Variants in PLXDC2 observed in about 807,000 individuals in gnomAD.
PLXDC2 encodes the protein plexin domain containing 2, also known as plexin domain-containing protein 2.
Under a neutral mutation model 68.9 loss-of-function variants are expected in PLXDC2, and 40 were observed. The observed-to-expected ratio is 0.58, with a 90% CI of 0.45 to 0.76. The LOEUF (loss-of-function observed/expected upper bound fraction) is 0.76. Ranked by LOEUF, PLXDC2 falls within the 30% of genes least tolerant of loss-of-function variation. The pLI is 0.00. For missense variants in PLXDC2, 644 were observed against 661.9 expected (o/e 0.97, Z 0.30); for synonymous variants, 243 against 234.2 (o/e 1.04, Z -0.34).
chr10:19,884,742 A>C (rs143854940), intron 1 of PLXDC2, among the ~76,000 whole-genome samples: 6,957 of 152,166 alleles, frequency 0.046, 206 homozygotes, highest in Middle Eastern at 0.12. Context: ...TTTCTTAATC[A>C]AGTCTATCGT....
intron 12 of PLXDC2, among the ~76,000 whole-genome samples, chr10:20,234,442 G>A (rs554370339): frequency 2.0e-5 from 3 of 152,252 alleles, no homozygotes; most frequent in Admixed American, 2.0e-4. Context: ...CCTAAGCAGC[G>A]TGATTCTGTC....
intron 2 of PLXDC2, among the ~76,000 whole-genome samples, chr10:20,009,913 G>A (rs1169023633): frequency 6.6e-6 from 1 of 151,928 alleles, no homozygotes; most frequent in Non-Finnish European, 1.5e-5. Flanking sequence ...AACTGAATCA[G>A]AAATCCCAAA....
chr10:19,852,962 G>A (rs1314873408), intron 1 of PLXDC2, among the ~76,000 whole-genome samples: 8 of 152,188 alleles, frequency 5.3e-5, no homozygotes, highest in Admixed American at 3.3e-4. Flanking sequence ...CAGGCTAAGT[G>A]AAAATACTTT....
intron 6 of PLXDC2, among the ~76,000 whole-genome samples, chr10:20,154,389 C>A (rs1042807223): frequency 6.6e-6 from 1 of 151,970 alleles, no homozygotes; most frequent in African/African-American, 2.4e-5. Flanking sequence ...CATGGTGTAA[C>A]CCTGTCTCTA....
Position 19,844,228 on chromosome 10 carries a change from A to T in PLXDC2, c.112+27037A>T, listed in dbSNP as rs558164787. On this transcript the variant is annotated intron_variant, in intron 1 of 13. Transcript: ENST00000377252. The stretch of plus-strand genomic sequence containing the variant: ...GAGCGAAAGTATGATTTGTTGAAAA[A>T]TTAGTCGGATTTTTAGTGGAGAAAC... Among the ~76,000 whole-genome samples the T allele has an allele frequency of 9.5e-3, 1,449 of 152,270 alleles. 29 individuals carry two copies. Among genetic ancestry groups the T allele is most frequent in the African/African-American group, 0.033 (1,367 of 41,564 alleles).
chr10:19,926,768 A>G (rs1052148275), intron 1 of PLXDC2, among the ~76,000 whole-genome samples: 3 of 152,198 alleles, frequency 2.0e-5, no homozygotes, highest in Non-Finnish European at 4.4e-5. Context: ...AGTTTCAGTT[A>G]CTGAAATAAG....
chr10:20,219,012 T>C, intron 11 of PLXDC2, 52 bp from the exon 12 acceptor site: 1 of 1,587,948 alleles, frequency 6.3e-7, no homozygotes, highest in Non-Finnish European at 8.6e-7. Flanking sequence ...AGATTTATGC[T>C]CCTTTGAAAT....
At chr10:19,875,610 C>T (rs745368723) in intron 1 of PLXDC2, among the ~76,000 whole-genome samples, 3 of 152,158 alleles carry the variant, frequency 2.0e-5, no homozygotes, top group Non-Finnish European at 4.4e-5. Flanking sequence ...CACGTGTGCA[C>T]TAGTCAATGT....
chr10:20,261,256 A>C (rs1255700832), intron 13 of PLXDC2, among the ~76,000 whole-genome samples: 1 of 152,202 alleles, frequency 6.6e-6, no homozygotes, highest in Non-Finnish European at 1.5e-5. Context: ...TATTCAAAAA[A>C]TTATTTCATG....
At chr10:20,245,558 G>T (rs757020532) in intron 13 of PLXDC2, 53 bp downstream of exon 13, 2 of 1,530,562 alleles carry the variant, frequency 1.3e-6, no homozygotes, top group Non-Finnish European at 1.8e-6. Context: ...AACTGTATCC[G>T]TTTGCTAACA....
chr10:20,259,264 ACATTT>A (rs1835781591), intron 13 of PLXDC2, among the ~76,000 whole-genome samples: 1 of 152,188 alleles, frequency 6.6e-6, no homozygotes, highest in Non-Finnish European at 1.5e-5. Context: ...ACGTTCAGAA[ACATTT>A]CATTCAGATC....
chr10:20,118,330 T>C (rs1208676498), intron 4 of PLXDC2, among the ~76,000 whole-genome samples: 1 of 152,198 alleles, frequency 6.6e-6, no homozygotes, highest in Non-Finnish European at 1.5e-5. Flanking sequence ...TATGGTTATT[T>C]TGGCCCTCTC....
chr10:20,265,421 C>T (rs1835859718), intron 13 of PLXDC2, among the ~76,000 whole-genome samples: 1 of 152,150 alleles, frequency 6.6e-6, no homozygotes, highest in South Asian at 2.1e-4. Flanking sequence ...CAGCTTGCTT[C>T]ATTTGGCAAC....
At chr10:20,141,828 C>T (rs534346265) in intron 4 of PLXDC2, among the ~76,000 whole-genome samples, 58 of 152,044 alleles carry the variant, frequency 3.8e-4, no homozygotes, top group African/African-American at 1.1e-3. Context: ...TACAAATGTA[C>T]AAAATTCTGC....
chr10:19,907,716 G>A (rs1344382867), intron 1 of PLXDC2, among the ~76,000 whole-genome samples: 1 of 152,162 alleles, frequency 6.6e-6, no homozygotes, highest in Non-Finnish European at 1.5e-5. Flanking sequence ...CTCTTCAAAT[G>A]CTTTTCTTGT....
chr10:20,269,082 A>G (rs760154364), intron 13 of PLXDC2, among the ~76,000 whole-genome samples: 7 of 152,220 alleles, frequency 4.6e-5, no homozygotes, highest in Non-Finnish European at 8.8e-5. Flanking sequence ...TCTGTGCAGT[A>G]TACTCTGCTA....
At chr10:19,947,707 C>CTTTTTTTTTTTTTTTTTTTTTCTTT (rs34439585) in intron 1 of PLXDC2, among the ~76,000 whole-genome samples, 1 of 120,974 alleles carries the variant, frequency 8.3e-6, no homozygotes, top group Non-Finnish European at 1.7e-5. Flanking sequence ...TTCTTTCTTT[C>CTTTTTTTTTTTTTTTTTTTTTCTTT]TTTTTTTTTT....
chr10:20,136,035 A>G (rs998779210), intron 4 of PLXDC2, among the ~76,000 whole-genome samples: 8 of 152,148 alleles, frequency 5.3e-5, no homozygotes, highest in African/African-American at 1.9e-4. Context: ...TTATAAAGGG[A>G]AAGTATTTGG....
intron 12 of PLXDC2, among the ~76,000 whole-genome samples, chr10:20,226,988 C>A (rs1341951958): frequency 6.6e-6 from 1 of 151,282 alleles, no homozygotes; most frequent in African/African-American, 2.4e-5. Flanking sequence ...TTTCCAATGC[C>A]CCTTCTCGGT....
Sources: gnomAD v4.1 joint callset for allele counts (sites outside exome capture counted in the v4.1 genomes callset) on GRCh38, gnomAD v4.1.1 for gene constraint, MANE v1.5 for transcripts, NCBI Gene and HGNC (gene_info 2026-07-23, HGNC 2026-07-21) for gene names.